ABHD2: variants seen among roughly 807,000 people sequenced by gnomAD.
ABHD2 encodes monoacylglycerol lipase ABHD2.
ABHD2 carries 20 observed loss-of-function variants against 48.1 expected under a neutral mutation model. The observed-to-expected ratio is 0.42, with a 90% confidence interval of 0.29 to 0.60. ABHD2 has a LOEUF of 0.60. ABHD2 is among the 20% of genes least tolerant of loss of function. The probability of loss-of-function intolerance (pLI) is 0.24; values close to 1 mark genes in which losing one functional copy is unlikely to be tolerated. For missense variants in ABHD2, 405 were observed against 550.9 expected, an observed-to-expected ratio of 0.74 and a Z score of 2.65; for synonymous variants, 209 against 214.2, an observed-to-expected ratio of 0.98 and a Z score of 0.21.
intron 1 of ABHD2, among the ~76,000 whole-genome samples, chr15:89,113,037 G>A (rs2049900079): frequency 6.6e-6 from 1 of 152,200 alleles, no homozygotes; most frequent in Non-Finnish European, 1.5e-5. Flanking sequence ...TTTCCCCCAT[G>A]TTCTCTCTTT....
the ABHD2 span, among the ~76,000 whole-genome samples, chr15:89,076,805 G>C: frequency 6.6e-6 from 1 of 152,106 alleles, no homozygotes; most frequent in East Asian, 1.9e-4. Context: ...TCATTTGGAT[G>C]CTAATAAGAC....
intron 3 of ABHD2, among the ~76,000 whole-genome samples, chr15:89,129,299 G>A (rs2050183079): frequency 6.6e-6 from 1 of 152,062 alleles, no homozygotes; most frequent in African/African-American, 2.4e-5. Context: ...GAAAGGTAGG[G>A]AGAGAACCAG....
At chr15:89,066,288 C>T in the ABHD2 span, among the ~76,000 whole-genome samples, 5 of 152,126 alleles carry the variant, frequency 3.3e-5, no homozygotes, top group African/African-American at 1.2e-4. Flanking sequence ...TCTTGCCTCT[C>T]TCCTCTCTTC....
chr15:89,135,348 T>C (rs1424258897), intron 3 of ABHD2, among the ~76,000 whole-genome samples: 1 of 151,954 alleles, frequency 6.6e-6, no homozygotes, highest in Non-Finnish European at 1.5e-5. Context: ...TGGTGGCTAT[T>C]GAAAATACCA....
At position 89,097,014 on chromosome 15, in the gene ABHD2, A is replaced by G. The variant is rs1265336195; in HGVS notation, c.-107+8451A>G. Reference sequence around the variant, plus strand: ...CAACTCATCAGCCCAGGGACAGTAGAGGCTTGATCGCAGCTGAAAGTTGGG... The same window carrying G: ...CAACTCATCAGCCCAGGGACAGTAGGGGCTTGATCGCAGCTGAAAGTTGGG... On this transcript the variant is annotated intron_variant, in intron 1 of 10. Transcript: ENST00000352732. This position sits in a 1 kb window ranked among gnomAD's most constrained non-coding sequence, Gnocchi z 4.2. Among the ~76,000 whole-genome samples, 1 of 152,244 alleles carries G rather than the reference A, an allele frequency of 6.6e-6. No individual in the cohort carries two copies. The highest frequency in any genetic ancestry group is 1.5e-5 in the Non-Finnish European group (1 of 68,042).
chr15:89,175,753 A>G lies in ABHD2; in HGVS notation c.539-59A>G. ...CCCATTTAGTAACGTTCCAGCTTGC[A>G]TTTTCTCCAGATAGGATGCACCTGA... On this transcript the variant is annotated intron_variant, in intron 5 of 10. Transcript: ENST00000352732. The surrounding 1 kb of genome is among the most constrained non-coding windows in gnomAD (Gnocchi z 5.7). 2.5e-6 allele frequency: 4 copies of G among 1,596,504 alleles called. No individual in the cohort carries two copies. Among genetic ancestry groups the G allele is most frequent in the Non-Finnish European group, 8.6e-7 (1 of 1,167,264 alleles).
the ABHD2 span, among the ~76,000 whole-genome samples, chr15:89,070,399 C>T: frequency 6.6e-6 from 1 of 152,162 alleles, no homozygotes; most frequent in Admixed American, 6.5e-5. Flanking sequence ...CCGTAGTATC[C>T]CTCCTTGTCA....
chr15:89,183,378 A>ATATATATAT (rs1201272467), intron 6 of ABHD2: 7 of 59,546 alleles, frequency 1.2e-4, no homozygotes, highest in African/African-American at 7.0e-4. Flanking sequence ...CAAAAAAAAA[A>ATATATATAT]AAAAAAATAT....
upstream of ABHD2, among the ~76,000 whole-genome samples, chr15:89,083,102 G>T (rs575665666): frequency 1.4e-4 from 21 of 152,264 alleles, no homozygotes; most frequent in African/African-American, 5.1e-4. This position sits in a 1 kb window ranked among gnomAD's most constrained non-coding sequence, Gnocchi z 5.1. Flanking sequence ...TGATCCACCC[G>T]CCTGGGCCTC....
rs2050295695 is a variant in ABHD2, at chr15:89,135,589, T to TC, written c.195-16087dup. 7 of 1,532,884 alleles carry TC rather than the reference T, an allele frequency of 4.6e-6. No individual in the cohort carries two copies. The South Asian group carries it at 4.6e-5, about 10-fold the overall frequency. 95.0% of individuals were successfully genotyped at this position (1,532,884 alleles called of 1,614,324 possible). On this transcript the variant is annotated intron_variant, in intron 3 of 10. Coordinates refer to ENST00000352732, the MANE Select transcript of ABHD2 (RefSeq NM_152924.5). ...TTCCTCCTCCTCATTCTTATCCTCT[T>TC]CATCTTCCTCATCTTCCTCCTCTTC...
At chr15:89,047,504 G>A in the ABHD2 span, among the ~76,000 whole-genome samples, 3 of 148,386 alleles carry the variant, frequency 2.0e-5, no homozygotes, top group Non-Finnish European at 3.0e-5. Context: ...GGGTGTTAAA[G>A]TCTCCCATTA....
At chr15:89,170,786 A>G (rs1391785600) in intron 5 of ABHD2, among the ~76,000 whole-genome samples, 2 of 152,172 alleles carry the variant, frequency 1.3e-5, no homozygotes, top group African/African-American at 4.8e-5. Context: ...CTATTTAACA[A>G]TGAGTGACAT....
intron 1 of ABHD2, among the ~76,000 whole-genome samples, chr15:89,107,881 C>T (rs1287883829): frequency 6.6e-6 from 1 of 152,192 alleles, no homozygotes; most frequent in African/African-American, 2.4e-5. Context: ...CCCCCTCCCC[C>T]AGCTGTCTGT....
rs1435480889 is a variant in ABHD2 at position 89,091,006 on chromosome 15, A to C, written c.-107+2443A>C. 6.6e-6 allele frequency among the ~76,000 whole-genome samples: 1 copy of C among 152,228 alleles called. No individual in the cohort carries two copies. Among genetic ancestry groups the C allele is most frequent in the Non-Finnish European group, 1.5e-5 (1 of 68,036 alleles). On this transcript the variant is annotated intron_variant, in intron 1 of 10. Coordinates refer to ENST00000352732, the MANE Select transcript of ABHD2 (RefSeq NM_152924.5). This position sits in a 1 kb window ranked among gnomAD's most constrained non-coding sequence, Gnocchi z 5.5. ...TCCGTGCTGGCAATCTAGCTGGTTC[A>C]CTGGTTTATCTGTGTTTTTCCTGTT...
the ABHD2 span, among the ~76,000 whole-genome samples, chr15:89,047,410 G>A: frequency 6.6e-6 from 1 of 152,062 alleles, no homozygotes; most frequent in Admixed American, 6.6e-5. Flanking sequence ...ATATCTATTA[G>A]GTCCAGTTGG....
chr15:89,178,740 A>G (rs1267933484), intron 6 of ABHD2, among the ~76,000 whole-genome samples: 4 of 152,220 alleles, frequency 2.6e-5, no homozygotes, highest in African/African-American at 9.6e-5. Flanking sequence ...ATGTTCCCTC[A>G]GCATAAACAG....
intron 5 of ABHD2, among the ~76,000 whole-genome samples, chr15:89,165,346 T>C (rs1445327189): frequency 6.6e-6 from 1 of 152,200 alleles, no homozygotes; most frequent in Non-Finnish European, 1.5e-5. Flanking sequence ...AGTTCATAAA[T>C]TCTTTAAACT....
the ABHD2 span, among the ~76,000 whole-genome samples, chr15:89,045,380 C>T: frequency 7.2e-5 from 11 of 151,978 alleles, no homozygotes; most frequent in Non-Finnish European, 1.2e-4. Context: ...ATTGACTTGG[C>T]GATGCAGGCT....
chr15:89,067,552 C>T, the ABHD2 span, among the ~76,000 whole-genome samples: 1 of 152,084 alleles, frequency 6.6e-6, no homozygotes, highest in African/African-American at 2.4e-5. Context: ...AGGTTTCCAC[C>T]CTTTGGCACA....
Sources: gnomAD v4.1 joint callset for allele counts (sites outside exome capture counted in the v4.1 genomes callset) on GRCh38, gnomAD v4.1.1 for gene constraint, Gnocchi (gnomAD v3.1) non-coding constraint, MANE v1.5 for transcripts, NCBI Gene and HGNC (gene_info 2026-07-23, HGNC 2026-07-21) for gene names.